Variants in NAV2 observed in about 807,000 individuals in gnomAD.
NAV2 encodes neuron navigator 2.
NAV2 carries 54 observed loss-of-function variants against 223.2 expected under a neutral mutation model. The ratio of observed to expected loss-of-function variants is 0.24; its 90% CI spans 0.19 to 0.30. NAV2 has a LOEUF of 0.30. Among genes scored for constraint, NAV2 ranks in the 10% least tolerant of loss-of-function variants. NAV2 has a pLI of 1.00. For missense variants in NAV2, 2,806 were observed against 3,147.5 expected, an observed-to-expected ratio of 0.89 and a Z score of 2.60; for synonymous variants, 1,279 against 1,239.3, an observed-to-expected ratio of 1.03 and a Z score of -0.67.
At chr11:19,642,733 C>T (rs2047700895) in intron 1 of NAV2, among the ~76,000 whole-genome samples, 1 of 152,060 alleles carries the variant, frequency 6.6e-6, no homozygotes, top group Non-Finnish European at 1.5e-5. Flanking sequence ...GGCTGGATTG[C>T]AAAGTGTATT....
rs1268169074 is a variant in NAV2, at chr11:20,051,358, T to C, written c.4481+25T>C. Reference sequence around the variant, plus strand: ...GGTATCTGTGTTTCCTCCTTGCATCTGTGCCATCTGTTGTGGCTTTGGAGC... The same window carrying C: ...GGTATCTGTGTTTCCTCCTTGCATCCGTGCCATCTGTTGTGGCTTTGGAGC... On this transcript the variant is annotated intron_variant, in intron 17 of 37. Transcript: ENST00000349880. The C allele has an allele frequency of 3.1e-6, 5 of 1,611,088 alleles. No homozygotes were observed. The East Asian group carries it at 1.1e-4, about 36-fold the overall frequency.
At position 19,412,535 on chromosome 11, in the gene NAV2, G is replaced by A. The variant is rs946903596; in HGVS notation, c.75+61508G>A. ...ACGTCTGCTGAAACGTCTCTCTGAAGAGAGCAGTGGATCTCCCAGCACAGC... is the reference window on the plus strand; with the variant it reads ...ACGTCTGCTGAAACGTCTCTCTGAAAAGAGCAGTGGATCTCCCAGCACAGC... On this transcript the variant is annotated intron_variant, in intron 1 of 37. Coordinates refer to the NAV2 transcript ENST00000360655. Among the ~76,000 whole-genome samples, 3 of 152,212 alleles carry A rather than the reference G, an allele frequency of 2.0e-5. No homozygotes were observed. The South Asian group carries it at 6.2e-4, about 31-fold the overall frequency.
At chr11:19,895,490 C>T (rs1018039995) in intron 6 of NAV2, among the ~76,000 whole-genome samples, 27 of 152,172 alleles carry the variant, frequency 1.8e-4, no homozygotes, top group Admixed American at 3.3e-4. Flanking sequence ...CTTGCCCTCG[C>T]TGGTAACTAA....
chr11:19,585,116 C>A (rs955665330), intron 1 of NAV2, among the ~76,000 whole-genome samples: 6 of 152,260 alleles, frequency 3.9e-5, no homozygotes, highest in Admixed American at 3.9e-4. Context: ...TTGAATTGAT[C>A]CCTTTACCAT....
At chr11:19,954,630 T>G (rs1317179446) in intron 10 of NAV2, among the ~76,000 whole-genome samples, 1 of 152,216 alleles carries the variant, frequency 6.6e-6, no homozygotes. Flanking sequence ...TTGTTTGTAT[T>G]ATTTGTTCAT....
At chr11:19,602,921 C>T (rs1239929590) in intron 1 of NAV2, among the ~76,000 whole-genome samples, 3 of 152,122 alleles carry the variant, frequency 2.0e-5, no homozygotes, top group African/African-American at 7.2e-5. Flanking sequence ...ATTTAGCGGA[C>T]CACCATTCGA....
chr11:19,901,187 T>G (rs1417681101), intron 6 of NAV2, among the ~76,000 whole-genome samples: 1 of 152,196 alleles, frequency 6.6e-6, no homozygotes, highest in East Asian at 1.9e-4. Context: ...TTCACACCCA[T>G]GAGATCTTAA....
chr11:20,097,844 G>A (rs2153694348), intron 31 of NAV2, 99 bp downstream of exon 31: 1 of 1,096,222 alleles, frequency 9.1e-7, no homozygotes, highest in Non-Finnish European at 1.3e-6. Context: ...GTTTGTGCAT[G>A]TATTTGTGGG....
At chr11:20,069,589 G>A (rs2059270605) in intron 22 of NAV2, among the ~76,000 whole-genome samples, 1 of 152,138 alleles carries the variant, frequency 6.6e-6, no homozygotes, top group Non-Finnish European at 1.5e-5. Flanking sequence ...CCAGGTGAAG[G>A]ATGAAGCTCA....
At chr11:19,731,567 T>A (rs1235956277) in intron 1 of NAV2, among the ~76,000 whole-genome samples, 3 of 152,062 alleles carry the variant, frequency 2.0e-5, no homozygotes, top group Non-Finnish European at 4.4e-5. Context: ...GTTGGGGGGA[T>A]AGTTATTGAG....
chr11:19,653,055 C>T (rs2048015581), intron 1 of NAV2, among the ~76,000 whole-genome samples: 2 of 152,160 alleles, frequency 1.3e-5, no homozygotes, highest in Non-Finnish European at 2.9e-5. Context: ...TGCAGCTTCT[C>T]GGTAGCCATC....
chr11:19,712,677 C>G (rs2049953876), upstream of NAV2: 1 of 152,182 alleles, frequency 6.6e-6, no homozygotes, highest in Admixed American at 6.5e-5. Flanking sequence ...TTTGTACTCG[C>G]GGCCAAGCGC....
intron 7 of NAV2, among the ~76,000 whole-genome samples, chr11:19,934,584 C>T (rs1469530737): frequency 6.6e-6 from 1 of 152,112 alleles, no homozygotes; most frequent in Non-Finnish European, 1.5e-5. Context: ...GAGCAGAAAG[C>T]ATGAAGGCCT....
chr11:19,854,473 T>C (rs958227707), intron 3 of NAV2, among the ~76,000 whole-genome samples: 2 of 152,216 alleles, frequency 1.3e-5, no homozygotes, highest in Non-Finnish European at 2.9e-5. Flanking sequence ...ATTGATCTTC[T>C]GTGGATTGGC....
At chr11:19,497,793 A>C (rs959540438) in intron 1 of NAV2, among the ~76,000 whole-genome samples, 2 of 152,180 alleles carry the variant, frequency 1.3e-5, no homozygotes, top group African/African-American at 2.4e-5. Flanking sequence ...TTCCAAGCAC[A>C]CATCAACCAG....
At chr11:19,510,502 G>A (rs902382688) in intron 1 of NAV2, among the ~76,000 whole-genome samples, 7 of 152,136 alleles carry the variant, frequency 4.6e-5, no homozygotes, top group Admixed American at 1.3e-4. Context: ...CCCTTATGTC[G>A]GGCGATCCTA....
chr11:19,939,736 C>G lies in NAV2; in HGVS notation c.2109C>G (p.Phe703Leu), dbSNP rs761522023. The G allele has an allele frequency of 1.7e-5, 28 of 1,614,160 alleles. 1 individual carries two copies. The South Asian group carries it at 2.7e-4, about 16-fold the overall frequency. The change falls in exon 8 of 38, where the codon TTC becomes TTG. Residue 703 changes from phenylalanine to leucine, a missense_variant. Phe to Leu is a conservative substitution (Grantham distance 22). Around this residue, in one of 4 missense-constraint regions of NAV2, gnomAD observed 1,167 missense variants for 1,180.5 expected, o/e 0.99. Coordinates refer to ENST00000349880, the MANE Select transcript of NAV2 (RefSeq NM_145117.5). ...GTGTGAGCGTGGAGCCCAGCCACTTCACCAAGACTGGACAGCCTGCTCTGG... is the reference window on the plus strand; with the variant it reads ...GTGTGAGCGTGGAGCCCAGCCACTTGACCAAGACTGGACAGCCTGCTCTGG... ...STGVSVEPSHFTKTGQPALEE... is the reference protein window; with the variant it reads ...STGVSVEPSHLTKTGQPALEE...
chr11:19,609,520 C>T, intron 1 of NAV2, among the ~76,000 whole-genome samples: 1 of 151,992 alleles, frequency 6.6e-6, no homozygotes, highest in East Asian at 1.9e-4. Flanking sequence ...ATAGCATGGG[C>T]AAAGGTCTAA....
chr11:19,915,436 G>T (rs969333661), intron 6 of NAV2, among the ~76,000 whole-genome samples: 2 of 152,036 alleles, frequency 1.3e-5, no homozygotes, highest in Non-Finnish European at 2.9e-5. Flanking sequence ...CCGTGAGCTG[G>T]CCTCATTTTT....
Sources: gnomAD v4.1 joint callset for allele counts (sites outside exome capture counted in the v4.1 genomes callset) on GRCh38, gnomAD v4.1.1 for gene constraint, gnomAD v4.1.1 regional missense constraint, MANE v1.5 for transcripts, NCBI Gene and HGNC (gene_info 2026-07-23, HGNC 2026-07-21) for gene names.